The following CCBE1 variants were observed in gnomAD, a reference collection of about 807,000 sequenced individuals.
CCBE1 encodes the protein collagen and calcium binding EGF domains 1, also known as collagen and calcium-binding EGF domain-containing protein 1.
Under a neutral mutation model 50.0 loss-of-function variants are expected in CCBE1, and 37 were observed. That is an observed-to-expected ratio of 0.74 (90% confidence interval 0.57 to 0.97). CCBE1 has a LOEUF of 0.97. Among genes scored for constraint, CCBE1 ranks in the 50% least tolerant of loss-of-function variants. The pLI is 0.00. For synonymous variants in CCBE1, 234 were observed against 203.7 expected, an observed-to-expected ratio of 1.15 and a Z score of -1.27; for missense variants, 538 against 523.8, an observed-to-expected ratio of 1.03 and a Z score of -0.26.
intron 5 of CCBE1, among the ~76,000 whole-genome samples, chr18:59,458,198 A>ATCTTCCCATCCC (rs1911294904): frequency 1.2e-5 from 1 of 84,790 alleles, no homozygotes. Flanking sequence ...CTTCCCATCC[A>ATCTTCCCATCCC]TTCCATCTTC....
intron 2 of CCBE1, among the ~76,000 whole-genome samples, chr18:59,560,637 A>C (rs758934386): frequency 2.0e-5 from 3 of 152,238 alleles, no homozygotes; most frequent in Non-Finnish European, 2.9e-5. Context: ...ATGGGATTAA[A>C]CAAAACAAAA....
chr18:59,658,114 G>T (rs907211706), intron 2 of CCBE1, among the ~76,000 whole-genome samples: 1 of 150,812 alleles, frequency 6.6e-6, no homozygotes, highest in South Asian at 2.1e-4. Flanking sequence ...ATCTGTAAAA[G>T]GTGGACAGCA....
intron 3 of CCBE1, among the ~76,000 whole-genome samples, chr18:59,471,324 T>G (rs1297340316): frequency 6.6e-6 from 1 of 152,246 alleles, no homozygotes; most frequent in African/African-American, 2.4e-5. Context: ...ATTTTTATTT[T>G]AAATCCTCTC....
intron 2 of CCBE1, among the ~76,000 whole-genome samples, chr18:59,534,449 G>A (rs1915170315): frequency 6.6e-6 from 1 of 152,192 alleles, no homozygotes; most frequent in Non-Finnish European, 1.5e-5. Flanking sequence ...CCAGGCCTTT[G>A]GGCTGTAATA....
At chr18:59,456,244 G>A (rs1050515779) in intron 5 of CCBE1, among the ~76,000 whole-genome samples, 6 of 152,218 alleles carry the variant, frequency 3.9e-5, no homozygotes, top group African/African-American at 4.8e-5. Context: ...GGTATCTCAC[G>A]TAATGGATGC....
chr18:59,468,968 C>T (rs141848403), intron 4 of CCBE1, among the ~76,000 whole-genome samples: 47 of 152,138 alleles, frequency 3.1e-4, no homozygotes, highest in African/African-American at 9.4e-4. Context: ...AAGGAGTGCA[C>T]GGCTGGGATA....
intron 2 of CCBE1, among the ~76,000 whole-genome samples, chr18:59,482,102 G>A (rs1408708672): frequency 6.6e-6 from 1 of 152,138 alleles, no homozygotes; most frequent in African/African-American, 2.4e-5. Flanking sequence ...CTGTGTCCAT[G>A]TGTTCTCATT....
At chr18:59,651,060 T>G (rs1433557391) in intron 2 of CCBE1, among the ~76,000 whole-genome samples, 1 of 152,176 alleles carries the variant, frequency 6.6e-6, no homozygotes, top group Admixed American at 6.5e-5. Context: ...CTAATCAACT[T>G]GGATATAGGG....
At chr18:59,660,388 G>C (rs185226228) in intron 2 of CCBE1, among the ~76,000 whole-genome samples, 1 of 151,678 alleles carries the variant, frequency 6.6e-6, no homozygotes, top group Admixed American at 6.6e-5. Context: ...TACACTGATC[G>C]GTCTTGCTTA....
At chr18:59,534,138 A>T (rs1915155057) in intron 2 of CCBE1, among the ~76,000 whole-genome samples, 1 of 152,216 alleles carries the variant, frequency 6.6e-6, no homozygotes, top group South Asian at 2.1e-4. Flanking sequence ...GGCTAATGAT[A>T]ATGTTGGCTA....
At chr18:59,629,730 T>C (rs188582065) in intron 2 of CCBE1, among the ~76,000 whole-genome samples, 151 of 152,168 alleles carry the variant, frequency 9.9e-4, no homozygotes, top group Middle Eastern at 3.4e-3. Flanking sequence ...GGCTGGGAGA[T>C]GGTTTCCTGA....
intron 2 of CCBE1, among the ~76,000 whole-genome samples, chr18:59,551,072 A>C (rs897741130): frequency 6.6e-6 from 1 of 151,590 alleles, no homozygotes; most frequent in African/African-American, 2.4e-5. Context: ...AAAAATAAAA[A>C]TACAGTCATG....
Position 59,436,107 on chromosome 18 carries a change from A to T in CCBE1, c.1022T>A (p.Met341Lys). 5.0e-6 allele frequency: 8 copies of T among 1,614,248 alleles called. No individual in the cohort carries two copies. The highest frequency in any genetic ancestry group is 1.3e-5 in the African/African-American group (1 of 75,060). Reference sequence around the variant, plus strand: ...GATGTCATTGCGGATGTCAGCCAGCATAAGTAGCAGGAAGTCGAAAGAACC... The same window carrying T: ...GATGTCATTGCGGATGTCAGCCAGCTTAAGTAGCAGGAAGTCGAAAGAACC... ...PPGSFDFLLL[M>K]LADIRNDITE... The change falls in exon 11 of 11, where the codon ATG (methionine) becomes AAG (lysine). Residue 341 changes from methionine (M) to lysine (K), a missense_variant. Coordinates refer to ENST00000439986, the MANE Select transcript of CCBE1 (RefSeq NM_133459.4).
At chr18:59,646,692 A>G (rs1308281466) in intron 2 of CCBE1, among the ~76,000 whole-genome samples, 1 of 152,246 alleles carries the variant, frequency 6.6e-6, no homozygotes, top group Non-Finnish European at 1.5e-5. Flanking sequence ...CACTCCCCAT[A>G]AAATCTCTCA....
At chr18:59,676,099 A>C (rs2054498269) in intron 2 of CCBE1, among the ~76,000 whole-genome samples, 2 of 152,352 alleles carry the variant, frequency 1.3e-5, no homozygotes, top group East Asian at 3.9e-4. Flanking sequence ...AGCTTTGACC[A>C]AACTGTACTT....
At chr18:59,528,024 A>C (rs1047136436) in intron 2 of CCBE1, among the ~76,000 whole-genome samples, 1 of 152,128 alleles carries the variant, frequency 6.6e-6, no homozygotes, top group East Asian at 1.9e-4. Context: ...ATGTTGGCCT[A>C]TCTTGCTAGG....
intron 2 of CCBE1, among the ~76,000 whole-genome samples, chr18:59,679,262 G>A (rs1467852989): frequency 6.6e-6 from 1 of 151,948 alleles, no homozygotes; most frequent in African/African-American, 2.4e-5. Flanking sequence ...TTTAAATATC[G>A]CTCACTAGTG....
chr18:59,633,732 T>G (rs1439615634), intron 2 of CCBE1, among the ~76,000 whole-genome samples: 1 of 132,610 alleles, frequency 7.5e-6, no homozygotes, highest in Non-Finnish European at 1.6e-5. Context: ...TTAGGGTTTG[T>G]TTTTTTTTTT....
chr18:59,613,863 G>GTTTTTTTTTTTTTTTTTT (rs34847608), intron 2 of CCBE1, among the ~76,000 whole-genome samples: 8 of 98,448 alleles, frequency 8.1e-5, no homozygotes, highest in African/African-American at 1.9e-4. Flanking sequence ...TCTCTGATGG[G>GTTTTTTTTTTTTTTTTTT]TTTTTTTTTT....
Sources: allele counts gnomAD v4.1 joint callset (sites outside exome capture counted in the v4.1 genomes callset), GRCh38; gene constraint gnomAD v4.1.1; transcripts MANE v1.5; gene names NCBI Gene and HGNC (gene_info 2026-07-23, HGNC 2026-07-21).